Variants in DKK4 observed in about 807,000 individuals in gnomAD.
The protein encoded by DKK4 is dickkopf Wnt signaling pathway inhibitor 4, also known as dickkopf-related protein 4.
Under a neutral mutation model 14.5 loss-of-function variants are expected in DKK4, and 15 were observed. That is an observed-to-expected ratio of 1.03 (90% CI 0.69 to 1.59). DKK4 has a LOEUF of 1.59. DKK4 is among the 40% of genes most tolerant of loss of function. The pLI, the probability that DKK4 is intolerant of heterozygous loss-of-function variation, is 0.00. For missense variants in DKK4, 272 were observed against 280.3 expected, an observed-to-expected ratio of 0.97 and a Z score of 0.21; for synonymous variants, 89 against 105.2, an observed-to-expected ratio of 0.85 and a Z score of 0.94.
the DKK4 span, among the ~76,000 whole-genome samples, chr8:42,388,972 T>TC: frequency 6.6e-6 from 1 of 152,232 alleles, no homozygotes; most frequent in African/African-American, 2.4e-5. Context: ...AGATGGTGTC[T>TC]CCCTCTGTCG....
At chr8:42,378,714 A>G (rs1205420413), upstream of DKK4, among the ~76,000 whole-genome samples, 6 of 152,070 alleles carry the variant, frequency 3.9e-5, no homozygotes, top group Admixed American at 2.6e-4. Context: ...CAGGCGAAAG[A>G]ACTGACGGGA....
the DKK4 span, among the ~76,000 whole-genome samples, chr8:42,389,028 G>A: frequency 6.6e-6 from 1 of 152,042 alleles, no homozygotes; most frequent in Non-Finnish European, 1.5e-5. Context: ...CAGCAGCCTT[G>A]ACCTCCCTGG....
At chr8:42,379,378 T>TATAGAG (rs1166847600), upstream of DKK4, among the ~76,000 whole-genome samples, 9 of 34,550 alleles carry the variant, frequency 2.6e-4, no homozygotes, top group African/African-American at 9.1e-4. Flanking sequence ...TATATATATA[T>TATAGAG]AGAGAGAGAG....
Position 42,376,374 on chromosome 8 carries a change from G to A in DKK4, c.112-544C>T, listed in dbSNP as rs150906879. On this transcript the variant is annotated intron_variant, in intron 1 of 3. Transcript: ENST00000220812. ...TGATGCTTCTACATAGACATACAAC[G>A]TAGGTGTAGCATATATGATATATGT... is the stretch of plus-strand genomic sequence containing the variant. Among the ~76,000 whole-genome samples the A allele has an allele frequency of 5.8e-3, 886 of 152,252 alleles. 4 individuals carry two copies. Among genetic ancestry groups the A allele is most frequent in the Middle Eastern group, 0.02 (6 of 294 alleles).
At chr8:42,390,387 G>C in the DKK4 span, among the ~76,000 whole-genome samples, 17 of 124,426 alleles carry the variant, frequency 1.4e-4, no homozygotes, top group African/African-American at 4.7e-4. Context: ...TTTTTGAGAC[G>C]GAGTCTCGCT....
chr8:42,377,528 T>C (rs1824587891), upstream of DKK4, among the ~76,000 whole-genome samples: 1 of 152,128 alleles, frequency 6.6e-6, no homozygotes, highest in Non-Finnish European at 1.5e-5. Context: ...CAGTAATCCT[T>C]TGGGGGTAGG....
At chr8:42,388,823 C>T in the DKK4 span, among the ~76,000 whole-genome samples, 1 of 152,246 alleles carries the variant, frequency 6.6e-6, no homozygotes, top group Non-Finnish European at 1.5e-5. Flanking sequence ...CCTGCCTTGG[C>T]CTCCCAAAGT....
the DKK4 span, among the ~76,000 whole-genome samples, chr8:42,384,433 G>A: frequency 6.6e-6 from 1 of 152,310 alleles, no homozygotes; most frequent in Non-Finnish European, 1.5e-5. Flanking sequence ...ATGAGCCACA[G>A]TGCCCAGCTA....
chr8:42,385,795 A>G, the DKK4 span, among the ~76,000 whole-genome samples: 1 of 152,192 alleles, frequency 6.6e-6, no homozygotes, highest in Admixed American at 6.5e-5. Context: ...TCACTTTTTC[A>G]ATTATAAAAG....
the DKK4 span, among the ~76,000 whole-genome samples, chr8:42,389,870 T>C: frequency 5.3e-5 from 8 of 152,180 alleles, no homozygotes; most frequent in African/African-American, 1.4e-4. Flanking sequence ...CATTTCTGCA[T>C]AACCAACGTA....
At chr8:42,383,326 C>T in the DKK4 span, among the ~76,000 whole-genome samples, 9 of 152,214 alleles carry the variant, frequency 5.9e-5, no homozygotes, top group Non-Finnish European at 1.2e-4. Context: ...GACGGTATAG[C>T]CTCTGGCAGG....
At chr8:42,383,241 G>A in the DKK4 span, among the ~76,000 whole-genome samples, 66 of 152,324 alleles carry the variant, frequency 4.3e-4, no homozygotes, top group African/African-American at 1.5e-3. Context: ...CCTCCACAAG[G>A]CTGGGGAGTG....
upstream of DKK4, among the ~76,000 whole-genome samples, chr8:42,381,425 T>TGAGA (rs1215055354): frequency 6.6e-6 from 1 of 152,198 alleles, no homozygotes; most frequent in African/African-American, 2.4e-5. Context: ...CTCTCCGTTT[T>TGAGA]GCCTCTGAGA....
chr8:42,389,706 A>G, the DKK4 span, among the ~76,000 whole-genome samples: 6 of 152,208 alleles, frequency 3.9e-5, no homozygotes, highest in Admixed American at 1.3e-4. Flanking sequence ...AGAATAGTGC[A>G]ATGAACACAC....
At chr8:42,384,331 T>TG in the DKK4 span, among the ~76,000 whole-genome samples, 27 of 152,130 alleles carry the variant, frequency 1.8e-4, no homozygotes, top group Non-Finnish European at 1.5e-5. Context: ...TTTGTGGAGA[T>TG]GGGGTCTTGC....
At chr8:42,379,368 TATATATATATAGAGAGAGAGAG>T (rs1289823702), upstream of DKK4, among the ~76,000 whole-genome samples, 3 of 49,500 alleles carry the variant, frequency 6.1e-5, no homozygotes, top group East Asian at 6.3e-4. Context: ...TATATATATA[TATATATATATAGAGAGAGAGAG>T]AGAGAGAGAG....
At chr8:42,389,273 C>T in the DKK4 span, among the ~76,000 whole-genome samples, 2 of 152,240 alleles carry the variant, frequency 1.3e-5, no homozygotes, top group Non-Finnish European at 2.9e-5. Flanking sequence ...ATATCCACTA[C>T]AATCCTGAGT....
Position 42,377,064 on chromosome 8 carries a change from C to CT in DKK4, c.-20dup. 6.2e-7 allele frequency: 1 copy of CT among 1,605,864 alleles called. No homozygotes were observed. Among genetic ancestry groups the CT allele is most frequent in the Non-Finnish European group, 8.5e-7 (1 of 1,176,150 alleles). On this transcript the variant is annotated 5_prime_UTR_variant, in exon 1 of 4. Coordinates refer to ENST00000220812, the MANE Select transcript of DKK4 (RefSeq NM_014420.3). Reference sequence around the variant, plus strand: ...CCACCATCCTTCAATCCCGGGGCTCCTGGAGGGTCCCAGCACTGTGCGTCA... The same window carrying CT: ...CCACCATCCTTCAATCCCGGGGCTCCTTGGAGGGTCCCAGCACTGTGCGTCA...
the DKK4 span, among the ~76,000 whole-genome samples, chr8:42,386,248 C>G: frequency 7.2e-5 from 11 of 152,238 alleles, no homozygotes; most frequent in African/African-American, 2.2e-4. Flanking sequence ...CACCACTGCA[C>G]CCAACTTGAT....
Sources: allele counts gnomAD v4.1 joint callset (sites outside exome capture counted in the v4.1 genomes callset), GRCh38; gene constraint gnomAD v4.1.1; transcripts MANE v1.5; gene names NCBI Gene and HGNC (gene_info 2026-07-23, HGNC 2026-07-21).